TMEM200A: variants seen among roughly 807,000 people sequenced by gnomAD.
TMEM200A encodes the protein transmembrane protein 200A.
A neutral mutation model predicts 24.3 loss-of-function variants in TMEM200A; 12 were observed. The observed-to-expected ratio is 0.49, with a 90% CI of 0.32 to 0.80. The LOEUF is 0.80. TMEM200A is among the 30% of genes least tolerant of loss of function. The probability of loss-of-function intolerance (pLI) is 0.04; values close to 1 mark genes in which losing one functional copy is unlikely to be tolerated. For synonymous variants in TMEM200A, 224 were observed against 224.4 expected, an observed-to-expected ratio of 1.00 and a Z score of 0.02; for missense variants, 545 against 614.4, an observed-to-expected ratio of 0.89 and a Z score of 1.19.
At chr6:130,409,393 A>G (rs1413397436) in intron 2 of TMEM200A, among the ~76,000 whole-genome samples, 1 of 152,196 alleles carries the variant, frequency 6.6e-6, no homozygotes, top group Non-Finnish European at 1.5e-5. Flanking sequence ...AATCTCAAAT[A>G]CCTGGTCTCA....
At chr6:130,408,287 G>A (rs1435069854) in intron 2 of TMEM200A, among the ~76,000 whole-genome samples, 2 of 152,180 alleles carry the variant, frequency 1.3e-5, no homozygotes, top group Non-Finnish European at 2.9e-5. Flanking sequence ...TGCCCAGGTA[G>A]GCACTTTCCC....
intron 2 of TMEM200A, among the ~76,000 whole-genome samples, chr6:130,409,233 G>T (rs1157966731): frequency 6.6e-6 from 1 of 151,974 alleles, no homozygotes; most frequent in Non-Finnish European, 1.5e-5. Flanking sequence ...CTTGACATCT[G>T]CTTCCCATTG....
rs534615224 is a variant in TMEM200A, at chr6:130,434,152, T to G, written c.-16-6255T>G. On this transcript the variant is annotated intron_variant, in intron 2 of 2. Coordinates refer to ENST00000296978, the MANE Select transcript of TMEM200A (RefSeq NM_001258277.2). ...AGAACATTTCAACCATACTCAAACC[T>G]TCATCAACTCAGTTCACAGTCAACA... Among the ~76,000 whole-genome samples the G allele has an allele frequency of 3.9e-4, 59 of 152,340 alleles. 1 individual carries two copies. The highest frequency in any genetic ancestry group is 3.4e-3 in the Admixed American group (52 of 15,294).
intron 1 of TMEM200A, among the ~76,000 whole-genome samples, chr6:130,370,354 T>C (rs1778290727): frequency 6.6e-6 from 1 of 152,144 alleles, no homozygotes; most frequent in South Asian, 2.1e-4. Flanking sequence ...TCTGATTGTA[T>C]TGGACTAAAT....
chr6:130,421,510 T>TTGTGTGTGTGTGTGTGTGTG lies in TMEM200A; in HGVS notation c.-16-18890_-16-18871dup, dbSNP rs60156754. On this transcript the variant is annotated intron_variant, in intron 2 of 2. Coordinates refer to ENST00000296978, the MANE Select transcript of TMEM200A (RefSeq NM_001258277.2). ...CACATCCATTCCTTCACAGTTACCT[T>TTGTGTGTGTGTGTGTGTGTG]TGTGTGTGTGTGTGTGTGTGTGTGT... Among the ~76,000 whole-genome samples, 278 of 149,032 alleles carry TTGTGTGTGTGTGTGTGTGTG rather than the reference T, an allele frequency of 1.9e-3. 4 individuals are homozygous for TTGTGTGTGTGTGTGTGTGTG. The highest frequency in any genetic ancestry group is 4.7e-3 in the African/African-American group (192 of 40,674).
intron 1 of TMEM200A, among the ~76,000 whole-genome samples, chr6:130,368,164 A>G (rs1267807872): frequency 6.6e-6 from 1 of 152,214 alleles, no homozygotes; most frequent in Non-Finnish European, 1.5e-5. Flanking sequence ...AGATTGTTAT[A>G]TTTGGACTTG....
At chr6:130,374,124 G>T (rs1453053942) in intron 1 of TMEM200A, among the ~76,000 whole-genome samples, 1 of 152,170 alleles carries the variant, frequency 6.6e-6, no homozygotes, top group African/African-American at 2.4e-5. Context: ...CCTGTTTGGG[G>T]ACTCTTCAGA....
intron 2 of TMEM200A, among the ~76,000 whole-genome samples, chr6:130,401,403 TTTTCTTTCTTTCTC>T (rs1478713690): frequency 5.0e-5 from 4 of 80,306 alleles, no homozygotes; most frequent in East Asian, 2.2e-4. Flanking sequence ...CTTTCTTTCT[TTTTCTTTCTTTCTC>T]TTTCTTTCTT....
At chr6:130,414,167 C>T (rs1779394714) in intron 2 of TMEM200A, among the ~76,000 whole-genome samples, 1 of 152,082 alleles carries the variant, frequency 6.6e-6, no homozygotes, top group African/African-American at 2.4e-5. Flanking sequence ...CATGGTGGCT[C>T]ACACCTGTAA....
chr6:130,372,712 C>T (rs1417580766), intron 1 of TMEM200A, among the ~76,000 whole-genome samples: 1 of 152,166 alleles, frequency 6.6e-6, no homozygotes, highest in Non-Finnish European at 1.5e-5. Context: ...CCAACAAATA[C>T]AAGGCCAAAT....
intron 1 of TMEM200A, among the ~76,000 whole-genome samples, chr6:130,372,504 C>A (rs576744244): frequency 1.4e-4 from 21 of 152,142 alleles, no homozygotes; most frequent in African/African-American, 4.1e-4. Flanking sequence ...CCTGAATTTA[C>A]CTTTATACAT....
intron 2 of TMEM200A, among the ~76,000 whole-genome samples, chr6:130,391,482 G>A (rs1260488090): frequency 6.6e-6 from 1 of 151,722 alleles, no homozygotes; most frequent in Non-Finnish European, 1.5e-5. Context: ...GGACCAGGCA[G>A]AAATTAAAGG....
At chr6:130,429,298 G>T (rs1583225910) in intron 2 of TMEM200A, among the ~76,000 whole-genome samples, 1 of 152,068 alleles carries the variant, frequency 6.6e-6, no homozygotes, top group Non-Finnish European at 1.5e-5. Flanking sequence ...GAGGTGGGCG[G>T]ATCACCTGAG....
chr6:130,417,679 T>C lies in TMEM200A; in HGVS notation c.-16-22728T>C, dbSNP rs371331209. Among the ~76,000 whole-genome samples the C allele has an allele frequency of 1.1e-4, 16 of 152,246 alleles. 2 individuals carry two copies. Among genetic ancestry groups the C allele is most frequent in the African/African-American group, 1.2e-4 (5 of 41,568 alleles). On this transcript the variant is annotated intron_variant, in intron 2 of 2. Coordinates refer to ENST00000296978, the MANE Select transcript of TMEM200A (RefSeq NM_001258277.2). ...TTTATGGACCTTTGCTTATTAAGGA[T>C]GAAGCAAAACCAGGAAGTAGACATA...
intron 2 of TMEM200A, among the ~76,000 whole-genome samples, chr6:130,419,019 A>C (rs894887420): frequency 6.6e-6 from 1 of 152,064 alleles, no homozygotes; most frequent in African/African-American, 2.4e-5. Flanking sequence ...TATTTCTTCT[A>C]TCTAACTGTA....
chr6:130,386,065 G>A (rs902599686), intron 2 of TMEM200A, among the ~76,000 whole-genome samples: 1 of 152,026 alleles, frequency 6.6e-6, no homozygotes, highest in Non-Finnish European at 1.5e-5. Context: ...GTGTAACTTG[G>A]TTTATAAAAC....
chr6:130,396,629 G>A (rs371746947), intron 2 of TMEM200A, among the ~76,000 whole-genome samples: 1 of 151,622 alleles, frequency 6.6e-6, no homozygotes, highest in African/African-American at 2.4e-5. Context: ...CACACATATT[G>A]TATATATATG....
intron 1 of TMEM200A, among the ~76,000 whole-genome samples, chr6:130,367,428 C>A (rs1265153810): frequency 6.6e-6 from 1 of 152,154 alleles, no homozygotes; most frequent in Non-Finnish European, 1.5e-5. Context: ...GTTTTGCAAT[C>A]AAACCAAGTT....
At chr6:130,415,087 A>G (rs1302843053) in intron 2 of TMEM200A, among the ~76,000 whole-genome samples, 4 of 152,136 alleles carry the variant, frequency 2.6e-5, no homozygotes, top group African/African-American at 9.7e-5. Flanking sequence ...CCCCCTAGGG[A>G]CTGAAAGCTC....
Sources: gnomAD v4.1 joint callset for allele counts (sites outside exome capture counted in the v4.1 genomes callset) on GRCh38, gnomAD v4.1.1 for gene constraint, MANE v1.5 for transcripts, NCBI Gene and HGNC (gene_info 2026-07-23, HGNC 2026-07-21) for gene names.